The following ACOX1 variants were observed in gnomAD, a reference collection of about 807,000 sequenced individuals.
ACOX1 encodes the protein acyl-CoA oxidase 1.
Under a neutral mutation model 75.5 loss-of-function variants are expected in ACOX1, and 41 were observed. The ratio of observed to expected loss-of-function variants is 0.54; its 90% CI spans 0.42 to 0.70. ACOX1 has a LOEUF of 0.70. Among genes scored for constraint, ACOX1 ranks in the 30% least tolerant of loss-of-function variants. The pLI is 0.00. For missense variants in ACOX1, 630 were observed against 837.5 expected, an observed-to-expected ratio of 0.75 and a Z score of 3.06; for synonymous variants, 303 against 298.8, an observed-to-expected ratio of 1.01 and a Z score of -0.15.
At chr17:75,946,831 G>A in intron 13 of ACOX1, 36 bp from the exon 14 acceptor site, 2 of 1,594,656 alleles carry the variant, frequency 1.3e-6, no homozygotes, top group Non-Finnish European at 1.7e-6. Flanking sequence ...TACTAATAAA[G>A]AGTTTGCCAT....
In ACOX1 at chr17:75,946,303, GCC is replaced by G. The variant is rs2065719990; in HGVS notation, c.*443_*444del. The stretch of plus-strand genomic sequence containing the variant: ...TTCTTCAATCCTGCTTTTAAGCCAG[GCC>G]CCAGGGTAAGTCTGGTAGAACACTG... On this transcript the variant is annotated 3_prime_UTR_variant, in exon 14 of 14. Transcript: ENST00000293217. 1 of 194,864 alleles carries G rather than the reference GCC, an allele frequency of 5.1e-6. No individual in the cohort carries two copies. Among genetic ancestry groups the G allele is most frequent in the Admixed American group, 5.4e-5 (1 of 18,488 alleles). 12.1% of individuals were successfully genotyped at this position (194,864 alleles called of 1,614,324 possible).
At chr17:75,951,243 T>C (rs1567874322) in intron 8 of ACOX1, among the ~76,000 whole-genome samples, 172 bp downstream of exon 8, 2 of 152,226 alleles carry the variant, frequency 1.3e-5, no homozygotes, top group Admixed American at 6.5e-5. Flanking sequence ...CTAAAAATAC[T>C]GAACAACAAA....
chr17:75,964,960 T>G (rs74348611), intron 2 of ACOX1, among the ~76,000 whole-genome samples: 2 of 152,156 alleles, frequency 1.3e-5, no homozygotes, highest in South Asian at 4.1e-4. Flanking sequence ...GTAGAAAGCA[T>G]GAGTATCATC....
chr17:75,947,125 C>T (rs1045087976), intron 13 of ACOX1, among the ~76,000 whole-genome samples: 2 of 152,170 alleles, frequency 1.3e-5, no homozygotes, highest in African/African-American at 4.8e-5. Flanking sequence ...CCACCTCAGC[C>T]TCCCAAAGTG....
Position 75,949,801 on chromosome 17 carries a change from T to C in ACOX1, c.1395A>G (p.Pro465=), listed in dbSNP as rs960281087. The C allele has an allele frequency of 3.1e-6, 5 of 1,614,090 alleles. No homozygotes were observed. In the African/African-American group the frequency reaches 5.3e-5, roughly 17 times the overall value. ...LNDLPSQRIQ[P]QQVAVWPTMV... is the part of the protein sequence containing the mutation. ...TGGTTGGCCAGACTGCTACCTGCTG[T>C]GGCTGGATGCGCTGACTGGGCAGGT... Residue 465 remains proline, a synonymous_variant, in exon 10 of 14, where the codon CCA becomes CCG. Coordinates refer to ENST00000293217, the MANE Select transcript of ACOX1 (RefSeq NM_004035.7).
intron 2 of ACOX1, among the ~76,000 whole-genome samples, chr17:75,966,570 G>A (rs543870006): frequency 1.1e-4 from 17 of 152,264 alleles, no homozygotes; most frequent in African/African-American, 2.6e-4. Context: ...CTGGGAGGCC[G>A]AGGTGGGTGA....
chr17:75,966,551 C>T (rs1207097763), intron 2 of ACOX1, among the ~76,000 whole-genome samples: 1 of 152,004 alleles, frequency 6.6e-6, no homozygotes, highest in Non-Finnish European at 1.5e-5. Flanking sequence ...CGCCTGTAAT[C>T]CCAGCATTCT....
chr17:75,959,938 T>C (rs907299166), intron 3 of ACOX1, among the ~76,000 whole-genome samples: 7 of 152,150 alleles, frequency 4.6e-5, no homozygotes, highest in Non-Finnish European at 8.8e-5. Context: ...CTCAGTAACA[T>C]TGAAAAACCA....
Position 75,955,900 on chromosome 17 carries a change from T to TA in ACOX1, c.585dup (p.Lys196Ter). 1 of 1,614,180 alleles carries TA rather than the reference T, an allele frequency of 6.2e-7. No homozygotes were observed. The highest frequency in any genetic ancestry group is 8.5e-7 in the Non-Finnish European group (1 of 1,180,026). ...GCATGTAATCCATAGCATTTCCCCT[T>TA]AGTGATGAGCTGGGCAAGAACTATT... On this transcript the variant is annotated frameshift_variant, in exon 5 of 14. Transcript: ENST00000293217. LOFTEE classifies it high-confidence loss of function.
chr17:75,968,179 G>A (rs1322763841), intron 2 of ACOX1, among the ~76,000 whole-genome samples: 1 of 150,124 alleles, frequency 6.7e-6, no homozygotes, highest in Non-Finnish European at 1.5e-5. Context: ...GCTCACGCCT[G>A]TAATCCCAGC....
chr17:75,973,625 C>A (rs140541455), intron 2 of ACOX1: 1 of 1,614,156 alleles, frequency 6.2e-7, no homozygotes, highest in Non-Finnish European at 8.5e-7. Context: ...GTGGACTAAC[C>A]GTGGCCCATT....
chr17:75,978,481 C>T lies in ACOX1; in HGVS notation c.269+53G>A, dbSNP rs773347563. ...GGTGATGAAAGGCCACCATAGACCG[C>T]AGCTGTAAAGTTTAGGCTTAACAAC... On this transcript the variant is annotated intron_variant, in intron 2 of 13. Coordinates refer to ENST00000293217, the MANE Select transcript of ACOX1 (RefSeq NM_004035.7). The surrounding 1 kb of genome is among the most constrained non-coding windows in gnomAD (Gnocchi z 4.2). 8.8e-5 allele frequency: 141 copies of T among 1,607,582 alleles called. No individual in the cohort carries two copies. The highest frequency in any genetic ancestry group is 7.0e-4 in the Admixed American group (42 of 59,990).
intron 2 of ACOX1, among the ~76,000 whole-genome samples, chr17:75,977,297 G>A (rs1000059064): frequency 1.3e-5 from 2 of 151,838 alleles, no homozygotes; most frequent in African/African-American, 4.8e-5. Flanking sequence ...TGCCCGGCCC[G>A]AAGTCCTTAT....
At position 75,950,982 on chromosome 17, in the gene ACOX1, G is replaced by T; in HGVS notation, c.1108-18C>A. Reference sequence around the variant, plus strand: ...GCATGAAGCTGAGAGGACAAGCACAGATCTGTCAGGACATCTGTGGTGCTG... The same window carrying T: ...GCATGAAGCTGAGAGGACAAGCACATATCTGTCAGGACATCTGTGGTGCTG... On this transcript the variant is annotated intron_variant, in intron 8 of 13. Transcript: ENST00000293217. The surrounding 1 kb of genome is among the most constrained non-coding windows in gnomAD (Gnocchi z 4.3). 1 of 1,612,566 alleles carries T rather than the reference G, an allele frequency of 6.2e-7. No individual in the cohort carries two copies. The highest frequency in any genetic ancestry group is 8.5e-7 in the Non-Finnish European group (1 of 1,179,316).
intron 2 of ACOX1, among the ~76,000 whole-genome samples, chr17:75,966,101 G>C (rs1598192200): frequency 6.6e-6 from 1 of 151,892 alleles, no homozygotes; most frequent in Non-Finnish European, 1.5e-5. Flanking sequence ...CTGCACTCCA[G>C]GCTGGGTGAC....
Position 75,956,987 on chromosome 17 carries a change from A to C in ACOX1, c.538+472T>G, listed in dbSNP as rs199808530. On this transcript the variant is annotated intron_variant, in intron 4 of 13. Coordinates refer to ENST00000293217, the MANE Select transcript of ACOX1 (RefSeq NM_004035.7). ...TCTCTCTCTCTATATATATATATAT[A>C]TATATATATATATATATATATACAC... Among the ~76,000 whole-genome samples the C allele has an allele frequency of 9.8e-4, 72 of 73,232 alleles. No homozygotes were observed. The East Asian group carries it at 0.013, about 13-fold the overall frequency. The allele number at this position is 73,232 out of a possible 152,430, so 48.0% of individuals were successfully genotyped here. A position where few individuals can be genotyped will look rare whatever the true frequency, so the allele number is the denominator to read the frequency against.
At chr17:75,973,367 T>A (rs192832077) in intron 2 of ACOX1, 1 of 517,660 alleles carries the variant, frequency 1.9e-6, no homozygotes. Context: ...GGTTCCCCGC[T>A]GCACTGTAAA....
Position 75,973,744 on chromosome 17 carries a change from T to C in ACOX1, c.269+4790A>G. On this transcript the variant is annotated intron_variant, in intron 2 of 13. Transcript: ENST00000293217. ...CAGCAAGGTAGGAATAAACATGGAG[T>C]AATTGAGGCCCACAGGTTCCACAAA... 3 of 1,614,050 alleles carry C rather than the reference T, an allele frequency of 1.9e-6. No homozygotes were observed. In the South Asian group the frequency reaches 3.3e-5, roughly 18 times the overall value.
At chr17:75,955,980 G>A (rs770849916) in intron 4 of ACOX1, 33 bp from the exon 5 acceptor site, 3 of 1,612,128 alleles carry the variant, frequency 1.9e-6, no homozygotes, top group Non-Finnish European at 2.5e-6. Flanking sequence ...GGAGGGGTGG[G>A]CAAACGTTCA....
Sources: allele counts gnomAD v4.1 joint callset (sites outside exome capture counted in the v4.1 genomes callset), GRCh38; gene constraint gnomAD v4.1.1; non-coding constraint Gnocchi (gnomAD v3.1); transcripts MANE v1.5; gene names NCBI Gene and HGNC (gene_info 2026-07-23, HGNC 2026-07-21).